TRANK1: variants seen among roughly 807,000 people sequenced by gnomAD.
TRANK1 encodes the protein TPR and ankyrin repeat-containing protein 1.
In TRANK1, 198 loss-of-function variants were observed where a neutral mutation model predicts 266.0. The observed-to-expected ratio is 0.74, with a 90% confidence interval of 0.66 to 0.84. TRANK1 has a LOEUF of 0.84. TRANK1 is among the 40% of genes least tolerant of loss of function. The pLI is 0.00. For missense variants in TRANK1, 3,326 were observed against 3,634.6 expected, an observed-to-expected ratio of 0.92 and a Z score of 2.18; for synonymous variants, 1,396 against 1,384.1, an observed-to-expected ratio of 1.01 and a Z score of -0.19.
rs1362791142 is a variant in TRANK1, at chr3:36,838,359, C to T, written c.5517+13G>A. ...CAGTTTTCCCTGGAGCAGCAGCGGA[C>T]TAGGAGCCATACCTTTCCCAGCCTC... On this transcript the variant is annotated intron_variant, in intron 20 of 23. Coordinates refer to ENST00000645898, the MANE Select transcript of TRANK1 (RefSeq NM_001329998.2). 1 of 1,613,590 alleles carries T rather than the reference C, an allele frequency of 6.2e-7. No homozygotes were observed. Among genetic ancestry groups the T allele is most frequent in the South Asian group, 1.1e-5 (1 of 91,036 alleles).
At chr3:36,924,098 G>A (rs200024893) in intron 1 of TRANK1, among the ~76,000 whole-genome samples, 22 of 152,252 alleles carry the variant, frequency 1.4e-4, no homozygotes, top group African/African-American at 4.3e-4. Flanking sequence ...AGGTGACCTC[G>A]GACAGCCTCA....
chr3:36,916,270 A>G (rs1379788838), intron 1 of TRANK1, among the ~76,000 whole-genome samples: 1 of 152,234 alleles, frequency 6.6e-6, no homozygotes, highest in East Asian at 1.9e-4. Context: ...TTGCAGATTA[A>G]CAAGATCCAA....
intron 10 of TRANK1, 146 bp from the exon 11 acceptor site, chr3:36,861,306 A>C: frequency 1.0e-6 from 1 of 993,628 alleles, no homozygotes; most frequent in Non-Finnish European, 1.4e-6. Context: ...TTAACCACTC[A>C]TGAACATCAG....
chr3:36,879,802 ACAAATATATG>A (rs2079471327), intron 8 of TRANK1, among the ~76,000 whole-genome samples: 1 of 102,318 alleles, frequency 9.8e-6, no homozygotes, highest in Non-Finnish European at 1.9e-5. Context: ...ATATAAATAT[ACAAATATATG>A]TAAATATACA....
chr3:36,912,639 G>A (rs1226322418), intron 1 of TRANK1, among the ~76,000 whole-genome samples: 2 of 152,198 alleles, frequency 1.3e-5, no homozygotes, highest in African/African-American at 4.8e-5. Flanking sequence ...GCACTGAGTA[G>A]ATTTTGAAAC....
Position 36,833,283 on chromosome 3 carries a change from T to G in TRANK1, c.6300A>C (p.Arg2100Ser). ...ILLSLVRALK[R>S]VTNNAEKEMV... ...TTTCCTTCTCAGCATTGTTGGTCAC[T>G]CTTTTGAGAGCCCTGACCAGACTGA... is the stretch of plus-strand genomic sequence containing the variant. Residue 2100 changes from arginine to serine, a missense_variant, in exon 22 of 24, where the codon AGA (arginine) becomes AGC (serine). Arg to Ser is a moderately radical substitution (Grantham distance 110). Transcript: ENST00000645898. 2 of 1,614,010 alleles carry G rather than the reference T, an allele frequency of 1.2e-6. No individual in the cohort carries two copies. Among genetic ancestry groups the G allele is most frequent in the Non-Finnish European group, 1.7e-6 (2 of 1,179,900 alleles).
intron 8 of TRANK1, among the ~76,000 whole-genome samples, chr3:36,876,531 C>T (rs1290703057): frequency 6.6e-6 from 1 of 152,164 alleles, no homozygotes; most frequent in African/African-American, 2.4e-5. Flanking sequence ...AGAAAGTAAG[C>T]CTGAAGGTTC....
intron 12 of TRANK1, 125 bp downstream of exon 12, chr3:36,858,593 G>A: frequency 1.7e-6 from 2 of 1,181,498 alleles, no homozygotes; most frequent in Non-Finnish European, 1.1e-6. Context: ...GGGCAGGCCT[G>A]GCCAAGAAAT....
At chr3:36,858,158 C>A in intron 12 of TRANK1, 109 bp from the exon 13 acceptor site, 1 of 915,756 alleles carries the variant, frequency 1.1e-6, no homozygotes, top group Admixed American at 3.0e-5. Context: ...GAATGCTGAA[C>A]TCCCCCAAAA....
At chr3:36,932,978 T>A (rs777245982) in intron 1 of TRANK1, among the ~76,000 whole-genome samples, 1 of 152,218 alleles carries the variant, frequency 6.6e-6, no homozygotes, top group African/African-American at 2.4e-5. Context: ...AATAGCTTGA[T>A]CAATCCTTTA....
intron 10 of TRANK1, among the ~76,000 whole-genome samples, chr3:36,863,282 C>T (rs1453468365): frequency 6.6e-6 from 1 of 152,162 alleles, no homozygotes; most frequent in Non-Finnish European, 1.5e-5. Flanking sequence ...ATCGAATGGG[C>T]TTTTATGAGA....
At chr3:36,854,079 G>C (rs1171532189) in intron 13 of TRANK1, among the ~76,000 whole-genome samples, 1 of 152,172 alleles carries the variant, frequency 6.6e-6, no homozygotes, top group Non-Finnish European at 1.5e-5. Flanking sequence ...CTCAACAACA[G>C]GCTGGGCACG....
intron 1 of TRANK1, among the ~76,000 whole-genome samples, chr3:36,919,606 G>T (rs748160840): frequency 1.3e-5 from 2 of 152,220 alleles, no homozygotes; most frequent in Non-Finnish European, 2.9e-5. Context: ...GTCTTTCAGT[G>T]AGTTATTTGT....
chr3:36,911,913 A>T (rs1409723064), intron 1 of TRANK1, among the ~76,000 whole-genome samples: 3 of 152,240 alleles, frequency 2.0e-5, no homozygotes, highest in African/African-American at 7.2e-5. Context: ...TCGGCCAGGC[A>T]CAGTGGCTCA....
At chr3:36,871,648 T>C (rs2079311763) in intron 9 of TRANK1, among the ~76,000 whole-genome samples, 1 of 152,058 alleles carries the variant, frequency 6.6e-6, no homozygotes, top group African/African-American at 2.4e-5. Context: ...AAACATCATA[T>C]GTCAAAGCTT....
rs2080421466 is a variant in TRANK1, at chr3:36,936,084, C to G, written c.23+8703G>C. Among the ~76,000 whole-genome samples, 3 of 152,252 alleles carry G rather than the reference C, an allele frequency of 2.0e-5. No individual in the cohort carries two copies. The South Asian group carries it at 6.2e-4, about 32-fold the overall frequency. ...AAACAAGGTAACATATCCCCGTGAG[C>G]AATTCTAGTCCTGGAGATTCGAAAA... On this transcript the variant is annotated intron_variant, in intron 1 of 23. Coordinates refer to ENST00000645898, the MANE Select transcript of TRANK1 (RefSeq NM_001329998.2).
chr3:36,893,383 T>A (rs1414888605), intron 5 of TRANK1, among the ~76,000 whole-genome samples: 1 of 152,122 alleles, frequency 6.6e-6, no homozygotes, highest in African/African-American at 2.4e-5. Flanking sequence ...ATTCCTCACA[T>A]CAGCGTTTTA....
intron 1 of TRANK1, among the ~76,000 whole-genome samples, chr3:36,935,694 A>G (rs548191318): frequency 5.3e-5 from 8 of 152,090 alleles, no homozygotes; most frequent in Admixed American, 2.6e-4. Flanking sequence ...TGATCCGCCC[A>G]TCTCGGCTTT....
At chr3:36,900,809 G>A (rs757472647) in intron 3 of TRANK1, among the ~76,000 whole-genome samples, 15 of 133,344 alleles carry the variant, frequency 1.1e-4, no homozygotes, top group South Asian at 2.5e-4. Flanking sequence ...ATGAGCCCAC[G>A]AGGTGAGGCT....
Sources: allele counts gnomAD v4.1 joint callset (sites outside exome capture counted in the v4.1 genomes callset), GRCh38; gene constraint gnomAD v4.1.1; transcripts MANE v1.5; gene names NCBI Gene and HGNC (gene_info 2026-07-23, HGNC 2026-07-21).